The following CDKL2 variants were observed in gnomAD, a reference collection of about 807,000 sequenced individuals.
CDKL2 encodes the protein cyclin dependent kinase like 2.
In CDKL2, 64 loss-of-function variants were observed where a neutral mutation model predicts 63.9. The ratio of observed to expected loss-of-function variants is 1.00; its 90% CI spans 0.82 to 1.23. CDKL2 has a LOEUF of 1.23. Among genes scored for constraint, CDKL2 ranks in the 50% most tolerant of loss-of-function variants. The pLI, the probability that CDKL2 is intolerant of heterozygous loss-of-function variation, is 0.00. For missense variants in CDKL2, 656 were observed against 668.0 expected, an observed-to-expected ratio of 0.98 and a Z score of 0.20; for synonymous variants, 211 against 229.2, an observed-to-expected ratio of 0.92 and a Z score of 0.72.
chr4:75,592,633 T>C (rs536935672), intron 10 of CDKL2, among the ~76,000 whole-genome samples: 60 of 152,310 alleles, frequency 3.9e-4, no homozygotes, highest in Middle Eastern at 3.4e-3. Context: ...TTTCAGCAAA[T>C]AGTTGCTGTT....
chr4:75,597,307 G>T, intron 8 of CDKL2, 71 bp from the exon 9 acceptor site: 1 of 963,808 alleles, frequency 1.0e-6, no homozygotes, highest in Non-Finnish European at 1.6e-6. Context: ...TTCTTATAAA[G>T]TACTTGTCAA....
At chr4:75,595,558 C>T (rs1341413014) in intron 10 of CDKL2, among the ~76,000 whole-genome samples, 1 of 151,894 alleles carries the variant, frequency 6.6e-6, no homozygotes, top group Non-Finnish European at 1.5e-5. Context: ...TGAGATAAGA[C>T]AATTTATCTT....
At chr4:75,592,446 C>T (rs1293688237) in intron 10 of CDKL2, among the ~76,000 whole-genome samples, 177 bp from the exon 11 acceptor site, 1 of 152,148 alleles carries the variant, frequency 6.6e-6, no homozygotes, top group Non-Finnish European at 1.5e-5. Flanking sequence ...CAAATGTCTT[C>T]CTCATTAAAT....
At chr4:75,584,580 TC>T (rs951743914) in intron 12 of CDKL2, among the ~76,000 whole-genome samples, 1 of 151,962 alleles carries the variant, frequency 6.6e-6, no homozygotes, top group Non-Finnish European at 1.5e-5. Context: ...TGTTAAGTAG[TC>T]CCCCCGATCC....
At chr4:75,619,775 G>C (rs1359165216) in intron 2 of CDKL2, among the ~76,000 whole-genome samples, 1 of 152,100 alleles carries the variant, frequency 6.6e-6, no homozygotes, top group African/African-American at 2.4e-5. Flanking sequence ...GGAGTGATTT[G>C]GAGTTGAGAG....
chr4:75,610,157 C>T (rs984309820), intron 3 of CDKL2, among the ~76,000 whole-genome samples: 3 of 150,420 alleles, frequency 2.0e-5, no homozygotes, highest in Non-Finnish European at 4.4e-5. Context: ...GAGCCGAAAT[C>T]GAGCCACTGC....
intron 2 of CDKL2, among the ~76,000 whole-genome samples, chr4:75,617,143 CAT>C (rs773147533): frequency 6.6e-5 from 10 of 152,172 alleles, no homozygotes; most frequent in East Asian, 1.9e-4. Flanking sequence ...CCCCATGACA[CAT>C]GTTTACCTAT....
chr4:75,617,695 TTTTACTC>T (rs1223861393), intron 2 of CDKL2, among the ~76,000 whole-genome samples: 1 of 152,146 alleles, frequency 6.6e-6, no homozygotes, highest in Non-Finnish European at 1.5e-5. Context: ...CACTAAAACT[TTTTACTC>T]TTTAAAAATT....
intron 1 of CDKL2, among the ~76,000 whole-genome samples, chr4:75,628,817 T>G (rs1437969610): frequency 1.3e-5 from 2 of 152,170 alleles, no homozygotes; most frequent in Non-Finnish European, 2.9e-5. Context: ...TTTTCCACAC[T>G]TGACATATAA....
chr4:75,610,481 G>A (rs1322187454), intron 3 of CDKL2, among the ~76,000 whole-genome samples: 1 of 152,050 alleles, frequency 6.6e-6, no homozygotes, highest in East Asian at 1.9e-4. Context: ...GCCAGAGAAA[G>A]TACTATGAAA....
chr4:75,599,916 G>T (rs1729109627), intron 7 of CDKL2, among the ~76,000 whole-genome samples: 1 of 152,128 alleles, frequency 6.6e-6, no homozygotes, highest in African/African-American at 2.4e-5. Context: ...GACTTGGTGT[G>T]GTATGAGTTT....
intron 13 of CDKL2, among the ~76,000 whole-genome samples, chr4:75,579,671 C>T (rs190684715): frequency 6.7e-4 from 101 of 151,754 alleles, no homozygotes; most frequent in African/African-American, 2.1e-3. Context: ...AGCGAAACTC[C>T]GTCTCAAAAA....
At chr4:75,629,920 A>C (rs1470401322) in intron 1 of CDKL2, 122 bp downstream of exon 1, 1 of 120,126 alleles carries the variant, frequency 8.3e-6, no homozygotes, top group African/African-American at 3.2e-5. Flanking sequence ...CCTGGGCAAC[A>C]AGAGTGAAAC....
At chr4:75,627,483 C>T (rs74799407) in intron 1 of CDKL2, among the ~76,000 whole-genome samples, 1 of 152,026 alleles carries the variant, frequency 6.6e-6, no homozygotes, top group Non-Finnish European at 1.5e-5. Flanking sequence ...GTTGCCCAGG[C>T]TGATCTCAAA....
intron 3 of CDKL2, among the ~76,000 whole-genome samples, chr4:75,608,529 T>C (rs1004105899): frequency 6.6e-6 from 1 of 152,126 alleles, no homozygotes; most frequent in Non-Finnish European, 1.5e-5. Flanking sequence ...ATGGAAGTGA[T>C]AGACAATGTG....
chr4:75,618,555 T>C (rs763748365), intron 2 of CDKL2, among the ~76,000 whole-genome samples: 16 of 152,136 alleles, frequency 1.1e-4, no homozygotes, highest in South Asian at 2.1e-4. Flanking sequence ...CGCCCAGCCA[T>C]TGAAAATTCT....
chr4:75,600,152 A>G (rs1425742343), intron 7 of CDKL2, 129 bp downstream of exon 7: 1 of 602,844 alleles, frequency 1.7e-6, no homozygotes, highest in African/African-American at 1.9e-5. Flanking sequence ...ATATGGGGGT[A>G]GAGTGGTAGA....
At chr4:75,596,218 T>C (rs765499214) in intron 10 of CDKL2, 29 bp downstream of exon 10, 8 of 1,279,996 alleles carry the variant, frequency 6.3e-6, no homozygotes, top group South Asian at 2.4e-5. Flanking sequence ...TGGTGTTTGC[T>C]CTTCTACTAC....
In CDKL2 at chr4:75,589,182, G is replaced by A. The variant is rs142890333; in HGVS notation, c.1647+2637C>T. On this transcript the variant is annotated intron_variant, in intron 12 of 13. Coordinates refer to ENST00000307465, the MANE Select transcript of CDKL2 (RefSeq NM_001330724.2). ...ATGCCACTTCACACCTATTAGAAAG[G>A]CTAAAATTAAATTGACAATACCAAG... is the stretch of plus-strand genomic sequence containing the variant. Among the ~76,000 whole-genome samples, 494 of 152,114 alleles carry A rather than the reference G, an allele frequency of 3.2e-3. 4 individuals are homozygous for A. Among genetic ancestry groups the A allele is most frequent in the African/African-American group, 0.011 (437 of 41,498 alleles).
Sources: gnomAD v4.1 joint callset for allele counts (sites outside exome capture counted in the v4.1 genomes callset) on GRCh38, gnomAD v4.1.1 for gene constraint, MANE v1.5 for transcripts, NCBI Gene and HGNC (gene_info 2026-07-23, HGNC 2026-07-21) for gene names.